The following FASN variants were observed in gnomAD, a reference collection of about 807,000 sequenced individuals.
FASN encodes the protein 3-hydroxyacyl-[acyl-carrier-protein] dehydratase.
FASN carries 50 observed loss-of-function variants against 250.0 expected under a neutral mutation model. The observed-to-expected ratio is 0.20, with a 90% CI of 0.16 to 0.25. FASN has a LOEUF of 0.25. Among genes scored for constraint, FASN ranks in the 10% least tolerant of loss-of-function variants. FASN has a pLI of 1.00. For synonymous variants in FASN, 1,909 were observed against 1,584.0 expected (o/e 1.21, Z -4.87); for missense variants, 3,031 against 3,498.5 (o/e 0.87, Z 3.37).
At chr17:82,090,629 C>G (rs376428656) in intron 10 of FASN, 65 bp from the exon 11 acceptor site, 7 of 1,456,254 alleles carry the variant, frequency 4.8e-6, no homozygotes, top group Non-Finnish European at 6.6e-6. Flanking sequence ...GGGCGGCCCC[C>G]GGCCCCACTA....
rs367625028 is a variant in FASN, at chr17:82,089,237, C to T, written c.2100+13G>A. 44 of 1,612,068 alleles carry T rather than the reference C, an allele frequency of 2.7e-5. No individual in the cohort carries two copies. The highest frequency in any genetic ancestry group is 1.8e-4 in the Admixed American group (11 of 59,946). On this transcript the variant is annotated intron_variant, in intron 13 of 42. Transcript: ENST00000306749. ...CTGGCCCGCCCCGCACCCCCCAGGC[C>T]GTATTAGTCCACCTTCTTGAGCTCC...
chr17:82,095,052 G>A (rs978263840), intron 3 of FASN, among the ~76,000 whole-genome samples: 4 of 152,102 alleles, frequency 2.6e-5, no homozygotes, highest in Admixed American at 6.5e-5. Context: ...CCCCGGCCCC[G>A]GCCCCAGCAC....
At chr17:82,081,411 G>A (rs1204441096) in intron 37 of FASN, 59 bp from the exon 38 acceptor site, 9 of 1,561,146 alleles carry the variant, frequency 5.8e-6, no homozygotes, top group African/African-American at 2.7e-5. Context: ...GCCTGTATGC[G>A]GCAGGGCTGA....
At chr17:82,084,769 G>A (rs771423765) in intron 26 of FASN, 30 bp downstream of exon 26, 13 of 1,550,024 alleles carry the variant, frequency 8.4e-6, no homozygotes, top group Middle Eastern at 1.7e-4. Context: ...GCAGTCTCCC[G>A]GGAGGGGCAG....
In FASN at chr17:82,081,786, CTCA is replaced by C. The variant is rs752796028; in HGVS notation, c.6218_6220del (p.Met2073del). ...GCCACTGACGATCGTGTCGTTGGTG[CTCA>C]TCGTCTCCACCAAAATGCCCACGTC... On this transcript the variant is annotated inframe_deletion, in exon 37 of 43. Transcript: ENST00000306749. 9.9e-6 allele frequency: 16 copies of C among 1,612,306 alleles called. No individual in the cohort carries two copies. The highest frequency in any genetic ancestry group is 6.7e-5 in the Admixed American group (4 of 59,990).
chr17:82,083,868 G>A lies in FASN; in HGVS notation c.5122C>T (p.Leu1708Phe). The A allele has an allele frequency of 6.3e-7, 1 of 1,579,174 alleles. No homozygotes were observed. The highest frequency in any genetic ancestry group is 8.6e-7 in the Non-Finnish European group (1 of 1,162,812). ...TVGSAEKRAY[L>F]QARFPQLDST... ...TCGAGCTGGGGGAACCTGGCCTGGA[G>A]GTACGCCCGCTTCTCAGCCGACCCT... The change falls in exon 30 of 43, where the codon CTC (leucine) becomes TTC (phenylalanine). Residue 1708 changes from leucine to phenylalanine, a missense_variant. By Grantham distance (22) the Leu-to-Phe change is conservative. Coordinates refer to ENST00000306749, the MANE Select transcript of FASN (RefSeq NM_004104.5).
At position 82,090,569 on chromosome 17, in the gene FASN, G is replaced by A. The variant is rs780300641; in HGVS notation, c.1681-5C>T. The A allele has an allele frequency of 8.1e-6, 13 of 1,609,416 alleles. No homozygotes were observed. Among genetic ancestry groups the A allele is most frequent in the African/African-American group, 2.7e-5 (2 of 74,818 alleles). On this transcript the variant is annotated splice_region_variant and splice_polypyrimidine_tract_variant and intron_variant, in intron 10 of 42. Transcript: ENST00000306749. ...CAGCAGGTCTATGAGGCCTATCTGG[G>A]GTGGGAACAGGACACTCAGGTTGCA... is the stretch of plus-strand genomic sequence containing the variant.
In FASN at chr17:82,085,176, G is replaced by A. The variant is rs1214171939; in HGVS notation, c.4288-20C>T. 6.2e-7 allele frequency: 1 copy of A among 1,612,540 alleles called. No homozygotes were observed. The highest frequency in any genetic ancestry group is 1.1e-5 in the South Asian group (1 of 91,084). ...GATGCCCTACAGCGGGTCGGGGAGG[G>A]TCAGGCCACACTCGGCAAGTTGGGA... is the stretch of plus-strand genomic sequence containing the variant. On this transcript the variant is annotated intron_variant, in intron 24 of 42. Coordinates refer to ENST00000306749, the MANE Select transcript of FASN (RefSeq NM_004104.5).
rs368756460 is a variant in FASN at position 82,091,311 on chromosome 17, C to T, written c.1403G>A (p.Arg468His). ...CTCACCACCCAGCACAGCGTAGCCA[C>T]GGAAGGGCATGGCGGTGGCGGGGAC... is the stretch of plus-strand genomic sequence containing the variant. ...AAVPATAMPF[R>H]GYAVLGGERG... The change falls in exon 9 of 43, where the codon CGT becomes CAT. Residue 468 changes from arginine (R) to histidine (H), a missense_variant. Transcript: ENST00000306749. 7.1e-5 allele frequency: 115 copies of T among 1,610,834 alleles called. No individual in the cohort carries two copies. Among genetic ancestry groups the T allele is most frequent in the African/African-American group, 1.7e-4 (13 of 74,924 alleles).
chr17:82,085,842 G>T lies in FASN; in HGVS notation c.3762C>A (p.Ser1254=). 1 of 1,553,772 alleles carries T rather than the reference G, an allele frequency of 6.4e-7. No homozygotes were observed. Among genetic ancestry groups the T allele is most frequent in the East Asian group, 2.3e-5 (1 of 42,698 alleles). ...EVLAGHGHLY[S]RIPGLLSPHP... ...GGGGGCTGAGCAGGCCTGGGATGCG[G>T]GAATACAGGTGACCGTGGCCAGCCA... Residue 1254 remains serine (S), a synonymous_variant, in exon 23 of 43, where the codon TCC becomes TCA. Coordinates refer to ENST00000306749, the MANE Select transcript of FASN (RefSeq NM_004104.5).
Position 82,088,771 on chromosome 17 carries a change from G to A in FASN, c.2410C>T (p.His804Tyr), listed in dbSNP as rs1429609578. Residue 804 changes from histidine (H) to tyrosine (Y), a missense_variant, in exon 15 of 43, where the codon CAC becomes TAC. Coordinates refer to ENST00000306749, the MANE Select transcript of FASN (RefSeq NM_004104.5). ...EFFLAGIGRL[H>Y]LSGIDANPNA... ...TGGGAAGGGACCCACCCTGAGAGGT[G>A]CAGCCTGCCGATGCCGGCCAGGAAG... The A allele has an allele frequency of 1.2e-6, 2 of 1,611,592 alleles. No individual in the cohort carries two copies. Among genetic ancestry groups the A allele is most frequent in the South Asian group, 1.1e-5 (1 of 91,062 alleles).
intron 11 of FASN, among the ~76,000 whole-genome samples, chr17:82,090,136 G>A (rs1206405336): frequency 2.0e-5 from 3 of 150,666 alleles, no homozygotes; most frequent in African/African-American, 5.0e-5. Flanking sequence ...CTCATCACAC[G>A]GGGGCTCCAC....
Position 82,085,643 on chromosome 17 carries a change from C to T in FASN, c.3961G>A (p.Ala1321Thr), listed in dbSNP as rs1193375757. 5 of 1,594,250 alleles carry T rather than the reference C, an allele frequency of 3.1e-6. No homozygotes were observed. The highest frequency in any genetic ancestry group is 3.4e-6 in the Non-Finnish European group (4 of 1,171,266). ...AGAGCTGAGGCCGGGTCCCCGAGGG[C>T]AGCCACAGCACAGTTGCACACCAGG... ...DLLVCNCAVA[A>T]LGDPASALSN... Residue 1321 changes from alanine to threonine, a missense_variant, in exon 23 of 43, where the codon GCC (alanine) becomes ACC (threonine). Coordinates refer to ENST00000306749, the MANE Select transcript of FASN (RefSeq NM_004104.5).
rs532233088 is a variant in FASN, at chr17:82,088,487, T to C, written c.2496A>G (p.Pro832=). 1 of 1,608,986 alleles carries C rather than the reference T, an allele frequency of 6.2e-7. No homozygotes were observed. The highest frequency in any genetic ancestry group is 2.2e-5 in the East Asian group (1 of 44,706). Residue 832 remains proline, a synonymous_variant, in exon 16 of 43, where the codon CCA becomes CCG. Transcript: ENST00000306749. The part of the protein sequence containing the change: ...PAPRGTPLIS[P]LIKWDHSLAW... ...CCAGGCTGTGGTCCCACTTGATGAG[T>C]GGGGAGATGAGGGGAGTTCCTCGGG...
chr17:82,085,376 C>A lies in FASN; in HGVS notation c.4149G>T (p.Arg1383Ser). The A allele has an allele frequency of 1.2e-6, 2 of 1,611,620 alleles. No individual in the cohort carries two copies. Among genetic ancestry groups the A allele is most frequent in the Non-Finnish European group, 8.5e-7 (1 of 1,179,540 alleles). ...SQDAWESLFS[R>S]VSLRLVGLKK... is the part of the protein sequence containing the mutation. Reference sequence around the variant, plus strand: ...TCAGGCCCACCAGGCGCAGCGACACCCTGGAGAAGAGGCTCTCCCACGCGT... The same window carrying A: ...TCAGGCCCACCAGGCGCAGCGACACACTGGAGAAGAGGCTCTCCCACGCGT... Residue 1383 changes from arginine to serine, a missense_variant, in exon 24 of 43, where the codon AGG becomes AGT. Transcript: ENST00000306749.
At position 82,080,161 on chromosome 17, in the gene FASN, G is replaced by A. The variant is rs746831757; in HGVS notation, c.7125C>T (p.Phe2375=). Residue 2375 remains phenylalanine, a synonymous_variant, in exon 41 of 43, where the codon TTC becomes TTT. Transcript: ENST00000306749. ...TEAICFFVQQ[F]TDMEHNRVLE... Reference sequence around the variant, plus strand: ...CCACCCTGTTGTGCTCCATGTCCGTGAACTGCTGCACGAAGAAGCATATGG... The same window carrying A: ...CCACCCTGTTGTGCTCCATGTCCGTAAACTGCTGCACGAAGAAGCATATGG... 5.6e-6 allele frequency: 9 copies of A among 1,613,234 alleles called. No individual in the cohort carries two copies. The Admixed American group carries it at 1.3e-4, about 24-fold the overall frequency.
intron 10 of FASN, 139 bp downstream of exon 10, chr17:82,090,743 C>T (rs146388303): frequency 0.011 from 12,045 of 1,129,290 alleles, 115 homozygotes; most frequent in Middle Eastern, 0.034. Context: ...CCTCCCCTCC[C>T]GTCCTGCCCC....
Position 82,082,172 on chromosome 17 carries a change from C to A in FASN, c.6012-12G>T. On this transcript the variant is annotated splice_polypyrimidine_tract_variant and intron_variant, in intron 35 of 42. Coordinates refer to ENST00000306749, the MANE Select transcript of FASN (RefSeq NM_004104.5). ...CCTCTCGGGTCACCCTGTGGGCACG[C>A]GTGTCACTCCCCATTGGCCAGCATC... The A allele has an allele frequency of 6.2e-7, 1 of 1,601,626 alleles. No homozygotes were observed.
At position 82,088,777 on chromosome 17, in the gene FASN, T is replaced by C; in HGVS notation, c.2404A>G (p.Arg802Gly). The change falls in exon 15 of 43, where the codon AGG (arginine) becomes GGG (glycine). Residue 802 changes from arginine (R) to glycine (G), a missense_variant. Coordinates refer to ENST00000306749, the MANE Select transcript of FASN (RefSeq NM_004104.5). ...NLEFFLAGIG[R>G]LHLSGIDANP... ...GGGACCCACCCTGAGAGGTGCAGCCTGCCGATGCCGGCCAGGAAGAACTCC... is the reference window on the plus strand; with the variant it reads ...GGGACCCACCCTGAGAGGTGCAGCCCGCCGATGCCGGCCAGGAAGAACTCC... 6.2e-7 allele frequency: 1 copy of C among 1,612,196 alleles called. No homozygotes were observed. Among genetic ancestry groups the C allele is most frequent in the Non-Finnish European group, 8.5e-7 (1 of 1,179,706 alleles).
Sources: allele counts gnomAD v4.1 joint callset (sites outside exome capture counted in the v4.1 genomes callset), GRCh38; gene constraint gnomAD v4.1.1; transcripts MANE v1.5; gene names NCBI Gene and HGNC (gene_info 2026-07-23, HGNC 2026-07-21).